Variants in NRIP1 observed in about 807,000 individuals in gnomAD.
NRIP1 encodes the protein nuclear receptor interacting protein 1.
In NRIP1, 28 loss-of-function variants were observed where a neutral mutation model predicts 75.0. The observed-to-expected ratio is 0.37, with a 90% CI of 0.28 to 0.51. The LOEUF (loss-of-function observed/expected upper bound fraction) is 0.51, where lower values mean the gene tolerates loss of function less well. NRIP1 is among the 20% of genes least tolerant of loss of function. The pLI, the probability that NRIP1 is intolerant of heterozygous loss-of-function variation, is 0.92. For missense variants in NRIP1, 1,435 were observed against 1,343.7 expected (o/e 1.07, Z -1.06); for synonymous variants, 526 against 487.6 (o/e 1.08, Z -1.04).
chr21:15,002,522 C>T (rs1401007574), intron 3 of NRIP1, among the ~76,000 whole-genome samples: 3 of 152,094 alleles, frequency 2.0e-5, no homozygotes, highest in Non-Finnish European at 4.4e-5. Context: ...CATGAAAATA[C>T]AGATGTGTCT....
At chr21:15,043,369 G>C (rs985234058) in intron 2 of NRIP1, 126 bp downstream of exon 2, 43 of 152,240 alleles carry the variant, frequency 2.8e-4, no homozygotes, top group African/African-American at 9.2e-4. Context: ...CAAATGGCAA[G>C]GTAGTTTATC....
chr21:15,000,507 T>C (rs77920527), intron 3 of NRIP1, among the ~76,000 whole-genome samples: 3,234 of 152,302 alleles, frequency 0.021, 107 homozygotes, highest in African/African-American at 0.072. Context: ...CAATTTTCTC[T>C]ACTTGGTAAC....
chr21:15,059,854 C>T (rs2147419645), intron 1 of NRIP1, among the ~76,000 whole-genome samples: 1 of 152,146 alleles, frequency 6.6e-6, no homozygotes, highest in South Asian at 2.1e-4. Flanking sequence ...CATTATACTA[C>T]TTTTAGAGTT....
intron 1 of NRIP1, among the ~76,000 whole-genome samples, chr21:15,044,098 C>T (rs150140413): frequency 3.7e-3 from 569 of 152,164 alleles, no homozygotes; most frequent in Non-Finnish European, 6.2e-3. Context: ...GGATTACAGG[C>T]GTGAGCCAGC....
At chr21:15,051,164 T>C (rs2089193893) in intron 1 of NRIP1, 1 of 321,894 alleles carries the variant, frequency 3.1e-6, no homozygotes, top group South Asian at 2.6e-5. Flanking sequence ...CTGAATGGCA[T>C]GCTGTGCCTC....
chr21:15,057,635 T>G (rs1213473428), intron 1 of NRIP1, among the ~76,000 whole-genome samples: 1 of 152,212 alleles, frequency 6.6e-6, no homozygotes, highest in African/African-American at 2.4e-5. Flanking sequence ...AGCAAGGTTT[T>G]TTAACGGCTT....
chr21:15,031,341 T>A (rs367668647), intron 2 of NRIP1, among the ~76,000 whole-genome samples: 75 of 137,152 alleles, frequency 5.5e-4, no homozygotes, highest in South Asian at 3.3e-3. Flanking sequence ...TGGAAGGCGC[T>A]CGGAGGATCA....
chr21:15,048,114 G>C (rs1274271628), intron 1 of NRIP1, among the ~76,000 whole-genome samples: 2 of 152,034 alleles, frequency 1.3e-5, no homozygotes, highest in Non-Finnish European at 2.9e-5. Context: ...ACAGTTCATG[G>C]TACCTCAAAA....
intron 3 of NRIP1, among the ~76,000 whole-genome samples, chr21:14,971,772 G>A (rs1378724631): frequency 1.3e-5 from 2 of 152,202 alleles, no homozygotes; most frequent in Non-Finnish European, 2.9e-5. Context: ...TTCAGAAAAT[G>A]TGGTTACCAT....
At chr21:15,049,963 T>C (rs2089167153) in intron 1 of NRIP1, among the ~76,000 whole-genome samples, 1 of 152,168 alleles carries the variant, frequency 6.6e-6, no homozygotes, top group Non-Finnish European at 1.5e-5. Context: ...ACTTTGTCCT[T>C]TGTAAATGAG....
At chr21:15,035,825 G>C (rs2088820520) in intron 2 of NRIP1, among the ~76,000 whole-genome samples, 1 of 151,964 alleles carries the variant, frequency 6.6e-6, no homozygotes, top group Admixed American at 6.6e-5. Context: ...CAAAGTGCTG[G>C]GATTACAGGC....
intron 2 of NRIP1, among the ~76,000 whole-genome samples, chr21:15,038,862 T>C (rs2088892418): frequency 6.6e-6 from 1 of 152,142 alleles, no homozygotes; most frequent in Non-Finnish European, 1.5e-5. Context: ...TTCTAGATGC[T>C]CAGCCTCAGA....
intron 1 of NRIP1, among the ~76,000 whole-genome samples, chr21:15,047,872 A>G (rs1269232680): frequency 2.6e-5 from 4 of 152,358 alleles, no homozygotes; most frequent in South Asian, 2.1e-4. Flanking sequence ...GGCTTTTGAC[A>G]TGCCTTCCTC....
chr21:15,064,191 C>A (rs1002216068), intron 1 of NRIP1, among the ~76,000 whole-genome samples: 29 of 152,248 alleles, frequency 1.9e-4, no homozygotes, highest in Non-Finnish European at 3.2e-4. Context: ...CCGTGAGCCT[C>A]GCCATCGGGA....
At chr21:15,018,590 A>C (rs1320581138) in intron 2 of NRIP1, among the ~76,000 whole-genome samples, 1 of 152,206 alleles carries the variant, frequency 6.6e-6, no homozygotes, top group Non-Finnish European at 1.5e-5. Context: ...AGATGACCAA[A>C]GTAGGTAGTA....
intron 3 of NRIP1, among the ~76,000 whole-genome samples, chr21:14,986,253 A>G (rs2087399459): frequency 6.6e-6 from 1 of 152,224 alleles, no homozygotes; most frequent in Non-Finnish European, 1.5e-5. Context: ...TATCTTAACT[A>G]AAGTGATTAA....
At chr21:15,005,087 C>A (rs1166367549) in intron 3 of NRIP1, among the ~76,000 whole-genome samples, 1 of 152,148 alleles carries the variant, frequency 6.6e-6, no homozygotes, top group African/African-American at 2.4e-5. Flanking sequence ...TTTATAAATT[C>A]TCTTAAGTTT....
At chr21:15,004,401 A>C (rs1171172285) in intron 3 of NRIP1, among the ~76,000 whole-genome samples, 2 of 152,260 alleles carry the variant, frequency 1.3e-5, no homozygotes, top group African/African-American at 4.8e-5. Flanking sequence ...GCTTCTATAC[A>C]TAATACACAT....
intron 2 of NRIP1, among the ~76,000 whole-genome samples, chr21:15,040,608 A>C (rs192295054): frequency 1.3e-5 from 2 of 152,228 alleles, no homozygotes; most frequent in Admixed American, 1.3e-4. Flanking sequence ...CTAATAAAAA[A>C]AGCCTTCAAT....
Sources: gnomAD v4.1 joint callset for allele counts (sites outside exome capture counted in the v4.1 genomes callset) on GRCh38, gnomAD v4.1.1 for gene constraint, MANE v1.5 for transcripts, NCBI Gene and HGNC (gene_info 2026-07-23, HGNC 2026-07-21) for gene names.